Variants in CNPY1 observed in about 807,000 individuals in gnomAD.
CNPY1 encodes the protein protein canopy homolog 1.
A neutral mutation model predicts 14.4 loss-of-function variants in CNPY1; 14 were observed. The observed-to-expected ratio is 0.97, with a 90% CI of 0.64 to 1.52. CNPY1 has a LOEUF of 1.52. Ranked by LOEUF, CNPY1 falls within the 40% of genes most tolerant of loss-of-function variation. CNPY1 has a pLI of 0.00. For missense variants in CNPY1, 129 were observed against 131.5 expected, an observed-to-expected ratio of 0.98 and a Z score of 0.09; for synonymous variants, 43 against 46.5, an observed-to-expected ratio of 0.92 and a Z score of 0.31.
In CNPY1 at chr7:155,536,786, A is replaced by C. The variant is rs1797029841; in HGVS notation, c.99+9045T>G. 6.6e-6 allele frequency among the ~76,000 whole-genome samples: 1 copy of C among 151,516 alleles called. No individual in the cohort carries two copies. Among genetic ancestry groups the C allele is most frequent in the Non-Finnish European group, 1.5e-5 (1 of 67,856 alleles). On this transcript the variant is annotated intron_variant, in intron 2 of 4. Coordinates refer to ENST00000636446, the MANE Select transcript of CNPY1 (RefSeq NM_001393663.1). The surrounding 1 kb of genome is among the most constrained non-coding windows in gnomAD (Gnocchi z 4.1). ...AGACTACGACATGAGCAAGAAGTCAACTCTCAACGCTCGTGGTGATCCACA... is the reference window on the plus strand; with the variant it reads ...AGACTACGACATGAGCAAGAAGTCACCTCTCAACGCTCGTGGTGATCCACA...
intron 2 of CNPY1, among the ~76,000 whole-genome samples, chr7:155,544,733 G>A (rs922418056): frequency 2.6e-5 from 4 of 152,244 alleles, no homozygotes; most frequent in Admixed American, 6.5e-5. Flanking sequence ...CTGCAGCAGA[G>A]CAGCCAGTGG....
At chr7:155,507,297 G>C (rs1258835599) in intron 3 of CNPY1, among the ~76,000 whole-genome samples, 181 bp from the exon 4 acceptor site, 2 of 151,834 alleles carry the variant, frequency 1.3e-5, no homozygotes, top group Non-Finnish European at 2.9e-5. Context: ...TTCCCAGAAT[G>C]TTAATTGCAT....
intron 2 of CNPY1, among the ~76,000 whole-genome samples, chr7:155,527,030 T>TTTCTTTCTTTCTTTCTTTCTTTCTTTC (rs1563093262): frequency 3.6e-5 from 3 of 83,272 alleles, no homozygotes; most frequent in African/African-American, 1.0e-4. Context: ...TTCTTTTCTT[T>TTTCTTTCTTTCTTTCTTTCTTTCTTTC]TTTCTTTCTT....
chr7:155,518,408 C>CAA (rs1263534878), intron 2 of CNPY1: 1 of 152,374 alleles, frequency 6.6e-6, no homozygotes, highest in Non-Finnish European at 1.5e-5. Context: ...GACCCTGATT[C>CAA]ACAGCCTTGT....
chr7:155,530,749 C>T (rs1460589276), intron 2 of CNPY1, among the ~76,000 whole-genome samples: 2 of 152,204 alleles, frequency 1.3e-5, no homozygotes, highest in Admixed American at 6.5e-5. Flanking sequence ...CCACCCTCAG[C>T]ACTACTGCCG....
At chr7:155,543,929 C>G (rs767544418) in intron 2 of CNPY1, among the ~76,000 whole-genome samples, 8 of 152,326 alleles carry the variant, frequency 5.3e-5, no homozygotes, top group Non-Finnish European at 1.2e-4. Flanking sequence ...GCTTTGCAGA[C>G]TAAGTGTTCC....
intron 2 of CNPY1, among the ~76,000 whole-genome samples, chr7:155,516,757 A>G (rs2116706130): frequency 6.6e-6 from 1 of 152,222 alleles, no homozygotes; most frequent in South Asian, 2.1e-4. Flanking sequence ...ATCCCCAGGA[A>G]TGTCCTGGGC....
intron 2 of CNPY1, among the ~76,000 whole-genome samples, chr7:155,515,948 T>G (rs1796614222): frequency 6.6e-6 from 1 of 151,668 alleles, no homozygotes; most frequent in South Asian, 2.1e-4. Context: ...CCCCCAGATC[T>G]CCTCCCGTGA....
At chr7:155,523,428 T>C (rs938032921) in intron 2 of CNPY1, among the ~76,000 whole-genome samples, 1 of 152,140 alleles carries the variant, frequency 6.6e-6, no homozygotes, top group Non-Finnish European at 1.5e-5. Flanking sequence ...AACATCTTCA[T>C]TATTATCTGG....
At chr7:155,505,051 A>C (rs1447894594) in intron 4 of CNPY1, among the ~76,000 whole-genome samples, 4 of 152,178 alleles carry the variant, frequency 2.6e-5, no homozygotes, top group African/African-American at 7.2e-5. Context: ...CAGTTTGAAG[A>C]AGCTCTCTTC....
intron 2 of CNPY1, among the ~76,000 whole-genome samples, chr7:155,523,437 G>A (rs1054936384): frequency 6.6e-6 from 1 of 152,232 alleles, no homozygotes; most frequent in African/African-American, 2.4e-5. Flanking sequence ...ATTATTATCT[G>A]GAGGGAAGGG....
chr7:155,542,904 C>T (rs927218255), intron 2 of CNPY1, among the ~76,000 whole-genome samples: 1 of 152,198 alleles, frequency 6.6e-6, no homozygotes, highest in African/African-American at 2.4e-5. Flanking sequence ...CACCCCCGCC[C>T]GAGGCTAGAC....
In CNPY1 at chr7:155,510,677, A is replaced by T. The variant is rs915721490; in HGVS notation, c.100-1580T>A. ...ATCGCTAAAAATGTCTACAGTCAAA[A>T]ACTGCAGCCTAAGTGGCTCAAAGTG... is the stretch of plus-strand genomic sequence containing the variant. On this transcript the variant is annotated intron_variant, in intron 2 of 4. Coordinates refer to ENST00000636446, the MANE Select transcript of CNPY1 (RefSeq NM_001393663.1). Among the ~76,000 whole-genome samples the T allele has an allele frequency of 2.0e-4, 30 of 152,350 alleles. 1 individual carries two copies. The highest frequency in any genetic ancestry group is 7.0e-4 in the African/African-American group (29 of 41,580).
At chr7:155,519,530 TA>T (rs1796678874) in intron 2 of CNPY1, among the ~76,000 whole-genome samples, 1 of 134,566 alleles carries the variant, frequency 7.4e-6, no homozygotes, top group South Asian at 2.3e-4. Context: ...CAAAAATAAA[TA>T]AATAAATAAA....
intron 2 of CNPY1, among the ~76,000 whole-genome samples, chr7:155,521,406 A>G (rs1050898661): frequency 5.9e-5 from 9 of 152,220 alleles, no homozygotes; most frequent in Non-Finnish European, 4.4e-5. Context: ...AGTGCACGCC[A>G]TGAAGCCAAA....
chr7:155,530,860 C>A (rs1796926148), intron 2 of CNPY1, among the ~76,000 whole-genome samples: 1 of 152,230 alleles, frequency 6.6e-6, no homozygotes, highest in Non-Finnish European at 1.5e-5. Context: ...GCCTCTCCTC[C>A]CCTCCAGTTG....
chr7:155,509,600 GT>G (rs1319840760), intron 2 of CNPY1, among the ~76,000 whole-genome samples: 1 of 152,194 alleles, frequency 6.6e-6, no homozygotes, highest in Non-Finnish European at 1.5e-5. Context: ...TCGGGGAGAA[GT>G]TGGGGAGGCC....
intron 2 of CNPY1, among the ~76,000 whole-genome samples, chr7:155,538,524 C>T (rs1386390599): frequency 2.0e-5 from 3 of 152,098 alleles, no homozygotes; most frequent in Admixed American, 6.5e-5. Flanking sequence ...CCCCTCCTCA[C>T]GTGCCCAGGA....
intron 2 of CNPY1, among the ~76,000 whole-genome samples, chr7:155,527,821 C>T (rs577378590): frequency 3.0e-4 from 46 of 152,278 alleles, no homozygotes; most frequent in African/African-American, 1.1e-3. Context: ...ATTCAGCCTA[C>T]CTGATTTGCA....
Sources: allele counts gnomAD v4.1 joint callset (sites outside exome capture counted in the v4.1 genomes callset), GRCh38; gene constraint gnomAD v4.1.1; non-coding constraint Gnocchi (gnomAD v3.1); transcripts MANE v1.5; gene names NCBI Gene and HGNC (gene_info 2026-07-23, HGNC 2026-07-21).